ANKRD6: variants seen among roughly 807,000 people sequenced by gnomAD.
ANKRD6 encodes ankyrin repeat domain 6, also known as ankyrin repeat domain-containing protein 6.
Under a neutral mutation model 82.3 loss-of-function variants are expected in ANKRD6, and 56 were observed. The ratio of observed to expected loss-of-function variants is 0.68; its 90% confidence interval spans 0.55 to 0.85. ANKRD6 has a LOEUF of 0.85. Ranked by LOEUF, ANKRD6 falls within the 40% of genes least tolerant of loss-of-function variation. The probability of loss-of-function intolerance (pLI) is 0.00; values close to 1 mark genes in which losing one functional copy is unlikely to be tolerated. For synonymous variants in ANKRD6, 347 were observed against 352.1 expected (o/e 0.99, Z 0.16); for missense variants, 852 against 907.6 (o/e 0.94, Z 0.79).
At chr6:89,568,774 A>G (rs546092924) in intron 2 of ANKRD6, among the ~76,000 whole-genome samples, 1 of 152,180 alleles carries the variant, frequency 6.6e-6, no homozygotes, top group South Asian at 2.1e-4. Flanking sequence ...AAGGGCCCCC[A>G]CTGGAACCTG....
intron 13 of ANKRD6, among the ~76,000 whole-genome samples, 164 bp downstream of exon 13, chr6:89,624,855 T>G (rs769250811): frequency 1.5e-4 from 23 of 152,330 alleles, no homozygotes; most frequent in Non-Finnish European, 2.9e-4. Flanking sequence ...GTACATTTAT[T>G]TCAGCTTTTT....
chr6:89,481,679 T>G (rs979317040), intron 1 of ANKRD6, among the ~76,000 whole-genome samples: 1 of 146,694 alleles, frequency 6.8e-6, no homozygotes, highest in Non-Finnish European at 1.5e-5. Context: ...GCAGGAATAC[T>G]GCTGGTTGTG....
chr6:89,497,393 G>A (rs959397588), intron 1 of ANKRD6, among the ~76,000 whole-genome samples: 9 of 152,124 alleles, frequency 5.9e-5, no homozygotes, highest in Admixed American at 1.3e-4. Flanking sequence ...GTTCTGCTGC[G>A]TAAAGTAGGG....
chr6:89,549,937 G>T (rs4707545), intron 1 of ANKRD6, among the ~76,000 whole-genome samples: 1 of 150,688 alleles, frequency 6.6e-6, no homozygotes, highest in African/African-American at 2.4e-5. Context: ...GAAAAAAAAA[G>T]AAAAAAAAAT....
intron 3 of ANKRD6, among the ~76,000 whole-genome samples, chr6:89,601,301 A>G (rs923360849): frequency 7.9e-5 from 12 of 152,020 alleles, no homozygotes; most frequent in Non-Finnish European, 1.0e-4. Context: ...TGAAGGGGGG[A>G]GGTCGGTGGT....
At chr6:89,442,038 G>A (rs117490467) in intron 1 of ANKRD6, among the ~76,000 whole-genome samples, 12,078 of 151,794 alleles carry the variant, frequency 0.08, 684 homozygotes, top group Admixed American at 0.15. Flanking sequence ...TCACTCTGTC[G>A]CCCAGGCTGG....
chr6:89,591,442 C>A (rs1242826372), intron 2 of ANKRD6, among the ~76,000 whole-genome samples: 2 of 152,170 alleles, frequency 1.3e-5, no homozygotes, highest in African/African-American at 2.4e-5. Context: ...TTCTCCTGTT[C>A]CCATTTCTTC....
Position 89,623,549 on chromosome 6 carries a change from G to A in ANKRD6, c.1032+5G>A. On this transcript the variant is annotated splice_donor_5th_base_variant and intron_variant, in intron 11 of 15. Transcript: ENST00000339746. ...AGGAGAAAGTCAAGGCCCAAGGTCA[G>A]GAGACACAGAAAGCAGCCCAGAGGG... 6.3e-7 allele frequency: 1 copy of A among 1,578,520 alleles called. No individual in the cohort carries two copies. The highest frequency in any genetic ancestry group is 8.6e-7 in the Non-Finnish European group (1 of 1,162,062).
chr6:89,596,178 C>T (rs577837970), intron 3 of ANKRD6, among the ~76,000 whole-genome samples, 164 bp downstream of exon 3: 13 of 152,124 alleles, frequency 8.5e-5, no homozygotes, highest in Non-Finnish European at 1.6e-4. Context: ...TCTGGAAGAC[C>T]TGCTCTGAGG....
intron 1 of ANKRD6, among the ~76,000 whole-genome samples, chr6:89,462,871 T>TG (rs1249328146): frequency 2.6e-5 from 4 of 151,242 alleles, no homozygotes; most frequent in Non-Finnish European, 5.9e-5. Flanking sequence ...TTTAGTTTTT[T>TG]TTTTTTTTTT....
intron 1 of ANKRD6, among the ~76,000 whole-genome samples, chr6:89,485,962 T>C (rs761992127): frequency 4.6e-5 from 7 of 152,336 alleles, no homozygotes; most frequent in Middle Eastern, 3.4e-3. Flanking sequence ...ATTAATGTGT[T>C]ATTTTCCCTA....
intron 1 of ANKRD6, among the ~76,000 whole-genome samples, chr6:89,454,017 G>A (rs1411669306): frequency 6.6e-6 from 1 of 152,072 alleles, no homozygotes; most frequent in Non-Finnish European, 1.5e-5. Context: ...TGGCCAGGAT[G>A]GTCTTGAACT....
chr6:89,575,206 C>T (rs139993138), intron 2 of ANKRD6, among the ~76,000 whole-genome samples: 128 of 152,162 alleles, frequency 8.4e-4, no homozygotes, highest in African/African-American at 2.7e-3. Flanking sequence ...CTTGCTTTTA[C>T]GCAGAAAGGG....
At chr6:89,477,397 T>A (rs576454360) in intron 1 of ANKRD6, among the ~76,000 whole-genome samples, 1 of 152,162 alleles carries the variant, frequency 6.6e-6, no homozygotes, top group African/African-American at 2.4e-5. Context: ...TAAAAAAAAA[T>A]TTGAGATCAT....
chr6:89,530,549 C>G (rs990077421), intron 1 of ANKRD6, among the ~76,000 whole-genome samples: 6 of 152,144 alleles, frequency 3.9e-5, no homozygotes, highest in Non-Finnish European at 8.8e-5. Context: ...TCAGTGGCAA[C>G]TGGGAGTTGA....
rs932719081 is a variant in ANKRD6, at chr6:89,511,107, C to T, written c.-143-55727C>T. ...ATGGGGTAAGTCATCTATAAAACACCGCATTGCAAGGCTGAGGTCATGAAG... is the reference window on the plus strand; with the variant it reads ...ATGGGGTAAGTCATCTATAAAACACTGCATTGCAAGGCTGAGGTCATGAAG... On this transcript the variant is annotated intron_variant, in intron 1 of 15. Transcript: ENST00000339746. Among the ~76,000 whole-genome samples, 10 of 152,292 alleles carry T rather than the reference C, an allele frequency of 6.6e-5. No homozygotes were observed. In the East Asian group the frequency reaches 9.6e-4, roughly 15 times the overall value.
chr6:89,624,296 T>C (rs1374920963), intron 12 of ANKRD6, among the ~76,000 whole-genome samples: 1 of 152,126 alleles, frequency 6.6e-6, no homozygotes, highest in Non-Finnish European at 1.5e-5. Context: ...TGACTAGGTA[T>C]CTTGAGGCCC....
chr6:89,608,368 C>CTATATATATATA (rs1554260576), intron 5 of ANKRD6, among the ~76,000 whole-genome samples: 1 of 130,746 alleles, frequency 7.6e-6, no homozygotes, highest in African/African-American at 3.1e-5. Flanking sequence ...CACACACACA[C>CTATATATATATA]TATATATATA....
intron 10 of ANKRD6, 52 bp from the exon 11 acceptor site, chr6:89,623,358 A>G (rs1296000848): frequency 7.1e-6 from 11 of 1,557,236 alleles, no homozygotes; most frequent in Non-Finnish European, 8.7e-6. Flanking sequence ...ATATTAGTGA[A>G]AAAGGCCAAG....
Sources: gnomAD v4.1 joint callset for allele counts (sites outside exome capture counted in the v4.1 genomes callset) on GRCh38, gnomAD v4.1.1 for gene constraint, MANE v1.5 for transcripts, NCBI Gene and HGNC (gene_info 2026-07-23, HGNC 2026-07-21) for gene names.